RBMS3: variants seen among roughly 807,000 people sequenced by gnomAD.
RBMS3 encodes the protein RNA-binding motif, single-stranded-interacting protein 3.
A neutral mutation model predicts 66.8 loss-of-function variants in RBMS3; 27 were observed. The ratio of observed to expected loss-of-function variants is 0.40; its 90% CI spans 0.30 to 0.56. RBMS3 has a LOEUF of 0.56. Among genes scored for constraint, RBMS3 ranks in the 20% least tolerant of loss-of-function variants. RBMS3 has a pLI of 0.40. For missense variants in RBMS3, 513 were observed against 549.5 expected (o/e 0.93, Z 0.66); for synonymous variants, 188 against 183.0 (o/e 1.03, Z -0.22).
At chr3:29,684,314 C>T (rs536633944) in intron 4 of RBMS3, among the ~76,000 whole-genome samples, 102 of 152,142 alleles carry the variant, frequency 6.7e-4, no homozygotes, top group Admixed American at 6.4e-3. Flanking sequence ...TTTGTGGACA[C>T]TCTGAAAAAC....
intron 1 of RBMS3, among the ~76,000 whole-genome samples, chr3:29,368,237 A>G (rs1300268314): frequency 6.6e-6 from 1 of 152,172 alleles, no homozygotes; most frequent in Non-Finnish European, 1.5e-5. Flanking sequence ...GGTGGAAAAA[A>G]CCATCAAGGT....
chr3:29,868,401 A>G (rs1304334915), intron 6 of RBMS3, among the ~76,000 whole-genome samples: 1 of 152,158 alleles, frequency 6.6e-6, no homozygotes, highest in African/African-American at 2.4e-5. Context: ...TTTAAAAGCT[A>G]ATTTGATTGC....
At chr3:29,892,830 TG>T (rs1559774853) in intron 8 of RBMS3, among the ~76,000 whole-genome samples, 7 of 139,358 alleles carry the variant, frequency 5.0e-5, no homozygotes, top group African/African-American at 2.0e-4. Flanking sequence ...TATGTATGTA[TG>T]TATGTATGTA....
rs115634833 is a variant in RBMS3, at chr3:29,992,271, T to C, written c.1307+1062T>C. 7.2e-3 allele frequency among the ~76,000 whole-genome samples: 1,103 copies of C among 152,154 alleles called. 17 individuals are homozygous for C. The highest frequency in any genetic ancestry group is 0.025 in the African/African-American group (1,055 of 41,432). On this transcript the variant is annotated intron_variant, in intron 14 of 14. Coordinates refer to ENST00000383767, the MANE Select transcript of RBMS3 (RefSeq NM_001003793.3). ...ATTTATTAGGTTGGTACAAAAGTAA[T>C]TGCGGTTTTTGCCATTAAAAACCAT...
chr3:29,497,063 C>A (rs1422133003), intron 3 of RBMS3, among the ~76,000 whole-genome samples: 1 of 151,888 alleles, frequency 6.6e-6, no homozygotes, highest in South Asian at 2.1e-4. Context: ...CACTCTGTCA[C>A]CCAGGCTAGA....
At chr3:29,467,446 G>A (rs1464431283) in intron 2 of RBMS3, among the ~76,000 whole-genome samples, 1 of 152,172 alleles carries the variant, frequency 6.6e-6, no homozygotes, top group Non-Finnish European at 1.5e-5. Flanking sequence ...GTGTCATGAA[G>A]CTGTGTTTCA....
intron 1 of RBMS3, among the ~76,000 whole-genome samples, chr3:29,321,213 A>T (rs1042557677): frequency 2.6e-5 from 4 of 152,060 alleles, no homozygotes; most frequent in Non-Finnish European, 5.9e-5. Context: ...CTTTTATGAT[A>T]TATTAGTCCC....
At chr3:29,604,526 T>C (rs528761021) in intron 4 of RBMS3, among the ~76,000 whole-genome samples, 88 of 152,092 alleles carry the variant, frequency 5.8e-4, no homozygotes, top group African/African-American at 2.1e-3. Flanking sequence ...CGGATTTTTA[T>C]TGAATGTCTC....
At chr3:29,420,644 T>C (rs2040677139) in intron 1 of RBMS3, among the ~76,000 whole-genome samples, 1 of 151,588 alleles carries the variant, frequency 6.6e-6, no homozygotes. Context: ...TCTCGCAGAG[T>C]TTCAGAATAC....
chr3:29,909,881 G>A (rs189741809), intron 10 of RBMS3, among the ~76,000 whole-genome samples: 6 of 152,150 alleles, frequency 3.9e-5, no homozygotes, highest in East Asian at 1.9e-4. Context: ...AAGACATAAT[G>A]TATCACTTTT....
chr3:29,572,563 T>A (rs1248485584), intron 3 of RBMS3, among the ~76,000 whole-genome samples: 2 of 152,236 alleles, frequency 1.3e-5, no homozygotes, highest in Non-Finnish European at 2.9e-5. Context: ...ATATGTTGTA[T>A]CACATTGATT....
chr3:29,350,876 C>T (rs1053387897), intron 1 of RBMS3, among the ~76,000 whole-genome samples: 1 of 150,534 alleles, frequency 6.6e-6, no homozygotes, highest in Non-Finnish European at 1.5e-5. Flanking sequence ...CTATAATGTG[C>T]ATGGTAAAAA....
At chr3:29,563,952 G>A (rs920270451) in intron 3 of RBMS3, among the ~76,000 whole-genome samples, 12 of 151,240 alleles carry the variant, frequency 7.9e-5, no homozygotes, top group African/African-American at 2.7e-4. Flanking sequence ...GGAAGATTGA[G>A]GCCGTAGTGA....
In RBMS3 at chr3:29,795,057, C is replaced by T. The variant is rs187392652; in HGVS notation, c.637+32068C>T. ...ACCAGACCCCATCAGATTCCCTAGG[C>T]GTCATGTGTGTTATCATAGGAAATA... On this transcript the variant is annotated intron_variant, in intron 6 of 14. Coordinates refer to ENST00000383767, the MANE Select transcript of RBMS3 (RefSeq NM_001003793.3). Among the ~76,000 whole-genome samples the T allele has an allele frequency of 1.6e-4, 25 of 152,242 alleles. 1 individual carries two copies. The highest frequency in any genetic ancestry group is 1.2e-3 in the Admixed American group (18 of 15,298).
intron 1 of RBMS3, among the ~76,000 whole-genome samples, chr3:29,408,053 A>G (rs9847976): frequency 2.6e-5 from 4 of 152,022 alleles, no homozygotes; most frequent in African/African-American, 9.7e-5. Context: ...TGGGCAGATC[A>G]CGAGGTCAGG....
intron 4 of RBMS3, among the ~76,000 whole-genome samples, chr3:29,696,037 T>C (rs1050860012): frequency 2.0e-5 from 3 of 152,192 alleles, no homozygotes; most frequent in Admixed American, 2.0e-4. Flanking sequence ...TTGCCGTCAG[T>C]AAAGATCCCC....
chr3:29,672,836 C>A (rs1458197130), intron 4 of RBMS3, among the ~76,000 whole-genome samples: 5 of 152,130 alleles, frequency 3.3e-5, no homozygotes, highest in Admixed American at 2.0e-4. Context: ...TAATGGGAGA[C>A]TTTAACACCC....
intron 4 of RBMS3, among the ~76,000 whole-genome samples, chr3:29,643,985 G>A (rs773714370): frequency 6.6e-6 from 1 of 152,134 alleles, no homozygotes; most frequent in Non-Finnish European, 1.5e-5. Flanking sequence ...GAGTGCATTG[G>A]TTTCTCACAC....
rs1176207435 is a variant in RBMS3, at chr3:29,640,876, T to C, written c.399+53671T>C. ...GTGTGACCCTGGGTAAGTTATTTAC[T>C]GTCTCTACAGCTGTGTTTACCCATC... On this transcript the variant is annotated intron_variant, in intron 4 of 14. Transcript: ENST00000383767. Among the ~76,000 whole-genome samples, 5 of 152,124 alleles carry C rather than the reference T, an allele frequency of 3.3e-5. No individual in the cohort carries two copies. The South Asian group carries it at 1.0e-3, about 31-fold the overall frequency.
Sources: allele counts gnomAD v4.1 joint callset (sites outside exome capture counted in the v4.1 genomes callset), GRCh38; gene constraint gnomAD v4.1.1; transcripts MANE v1.5; gene names NCBI Gene and HGNC (gene_info 2026-07-23, HGNC 2026-07-21).